Variants in SYNE1 observed in about 807,000 individuals in gnomAD.
SYNE1 encodes nesprin-1.
In SYNE1, 616 loss-of-function variants were observed where a neutral mutation model predicts 1,111.0. That is an observed-to-expected ratio of 0.55 (90% CI 0.52 to 0.59). The LOEUF (loss-of-function observed/expected upper bound fraction) is 0.59. SYNE1 is among the 20% of genes least tolerant of loss of function. SYNE1 has a pLI of 0.00. For synonymous variants in SYNE1, 3,855 were observed against 3,825.8 expected, an observed-to-expected ratio of 1.01 and a Z score of -0.28; for missense variants, 10,006 against 10,417.0, an observed-to-expected ratio of 0.96 and a Z score of 1.72.
At chr6:152,125,376 T>G in intron 145 of SYNE1, 1 of 1,542,566 alleles carries the variant, frequency 6.5e-7, no homozygotes, top group Non-Finnish European at 8.8e-7. Context: ...CCTCACAGTA[T>G]CCTGCAGATC....
chr6:152,153,262 T>C (rs2060767275), intron 133 of SYNE1, among the ~76,000 whole-genome samples: 1 of 152,124 alleles, frequency 6.6e-6, no homozygotes. Flanking sequence ...GTAAGGAAAG[T>C]TCAGCTCTGG....
At chr6:152,550,632 T>C (rs763718923) in intron 3 of SYNE1, among the ~76,000 whole-genome samples, 14 of 151,814 alleles carry the variant, frequency 9.2e-5, no homozygotes, top group Non-Finnish European at 1.3e-4. Context: ...TTTGTAACTT[T>C]GTAGTAAATA....
In SYNE1 at chr6:152,580,849, T is replaced by C. The variant is rs577313430; in HGVS notation, c.68-40828A>G. On this transcript the variant is annotated intron_variant, in intron 3 of 145. Coordinates refer to ENST00000367255, the MANE Select transcript of SYNE1 (RefSeq NM_182961.4). The stretch of plus-strand genomic sequence containing the variant: ...TCAAAATGTGTGAGAATAAAAGTGA[T>C]TGTTTTTTGCTACTGAGTTTTCTAA... Among the ~76,000 whole-genome samples, 9 of 152,310 alleles carry C rather than the reference T, an allele frequency of 5.9e-5. No individual in the cohort carries two copies. In the East Asian group the frequency reaches 1.7e-3, roughly 29 times the overall value.
intron 13 of SYNE1, among the ~76,000 whole-genome samples, chr6:152,484,281 G>T (rs1397431910): frequency 1.3e-5 from 2 of 152,056 alleles, no homozygotes; most frequent in Non-Finnish European, 2.9e-5. Context: ...AGTGATAGAA[G>T]TGTTCCAGGG....
At chr6:152,573,348 C>T (rs2099478845) in intron 3 of SYNE1, among the ~76,000 whole-genome samples, 1 of 125,500 alleles carries the variant, frequency 8.0e-6, no homozygotes, top group Non-Finnish European at 1.6e-5. Flanking sequence ...CACCCCACAA[C>T]AGGCCCTGGT....
At chr6:152,356,556 T>C (rs925807991) in intron 66 of SYNE1, among the ~76,000 whole-genome samples, 1 of 148,822 alleles carries the variant, frequency 6.7e-6, no homozygotes, top group Non-Finnish European at 1.5e-5. Flanking sequence ...TAAAAATATA[T>C]AAACTATATA....
chr6:152,609,717 G>A (rs1004828555), intron 3 of SYNE1, among the ~76,000 whole-genome samples: 1 of 152,326 alleles, frequency 6.6e-6, no homozygotes, highest in African/African-American at 2.4e-5. Flanking sequence ...ACACCTCCCA[G>A]TAGGGGCCAA....
At chr6:152,315,682 T>A (rs970403037) in intron 87 of SYNE1, 6 of 152,234 alleles carry the variant, frequency 3.9e-5, no homozygotes, top group Admixed American at 3.9e-4. Context: ...AAATTTGCAT[T>A]TCTAGACTTC....
intron 127 of SYNE1, among the ~76,000 whole-genome samples, chr6:152,201,072 G>C (rs2075306441): frequency 6.6e-6 from 1 of 152,176 alleles, no homozygotes; most frequent in South Asian, 2.1e-4. Flanking sequence ...ATTTGCAAAT[G>C]ACTGGGGAAC....
chr6:152,345,027 C>T (rs1226141969), intron 73 of SYNE1, among the ~76,000 whole-genome samples: 1 of 152,120 alleles, frequency 6.6e-6, no homozygotes, highest in Non-Finnish European at 1.5e-5. Context: ...TTTTCTCTGT[C>T]ATCTTTTAAA....
intron 145 of SYNE1, 117 bp from the exon 146 acceptor site, chr6:152,122,793 C>T (rs552244403): frequency 3.0e-5 from 45 of 1,514,318 alleles, no homozygotes; most frequent in East Asian, 1.6e-4. Flanking sequence ...CCCAGCCTGG[C>T]GATCAGCTGC....
At chr6:152,415,602 A>C (rs742784) in intron 41 of SYNE1, among the ~76,000 whole-genome samples, 36,092 of 151,842 alleles carry the variant, frequency 0.24, 4,787 homozygotes, top group East Asian at 0.36. Flanking sequence ...TAGGATCACT[A>C]CCTTTCTCTT....
Position 152,419,867 on chromosome 6 carries a change from C to T in SYNE1, c.5268-145G>A, listed in dbSNP as rs928461107. The T allele has an allele frequency of 3.6e-5, 29 of 812,270 alleles. 1 individual carries two copies. Among genetic ancestry groups the T allele is most frequent in the South Asian group, 2.2e-4 (13 of 59,468 alleles). 50.3% of individuals were successfully genotyped at this position (812,270 alleles called of 1,614,324 possible). A position where few individuals can be genotyped will look rare whatever the true frequency, so the allele number is the denominator to read the frequency against. On this transcript the variant is annotated intron_variant, in intron 39 of 145. Transcript: ENST00000367255. ...TATACCTCTTGATATTTTTTACTTC[C>T]CAAACCCTGCTTTACTCACAATCTT...
intron 129 of SYNE1, among the ~76,000 whole-genome samples, chr6:152,178,351 C>G (rs2067006917): frequency 3.3e-5 from 5 of 152,182 alleles, no homozygotes; most frequent in Admixed American, 3.3e-4. Flanking sequence ...CATTCTCTGA[C>G]ACCCAGCAAC....
chr6:152,476,136 T>A (rs1185228192), intron 14 of SYNE1, among the ~76,000 whole-genome samples: 2 of 152,154 alleles, frequency 1.3e-5, no homozygotes, highest in Admixed American at 1.3e-4. Flanking sequence ...AACATCCCTC[T>A]AGATGCCAAT....
At position 152,180,146 on chromosome 6, in the gene SYNE1, T is replaced by C. The variant is rs2067591501; in HGVS notation, c.23450A>G (p.Lys7817Arg). 3.1e-6 allele frequency: 5 copies of C among 1,614,014 alleles called. No individual in the cohort carries two copies. Among genetic ancestry groups the C allele is most frequent in the East Asian group, 2.2e-5 (1 of 44,872 alleles). Residue 7817 changes from lysine (K) to arginine (R), a missense_variant, in exon 129 of 146, where the codon AAG becomes AGG. Physicochemically the swap from Lys to Arg is conservative, Grantham distance 26. Transcript: ENST00000367255. Reference protein sequence around the residue: ...GDILIEEMIEKLKKDYQEEIA... With the variant: ...GDILIEEMIERLKKDYQEEIA... The stretch of plus-strand genomic sequence containing the variant: ...CCATGCATTCCATACCTTCTTGAGC[T>C]TCTCTATCATTTCTTCAATGAGAAT...
At chr6:152,258,305 G>A (rs2153634400) in intron 101 of SYNE1, among the ~76,000 whole-genome samples, 1 of 152,260 alleles carries the variant, frequency 6.6e-6, no homozygotes, top group East Asian at 1.9e-4. Context: ...TATGCTGAAA[G>A]GATTGGTTAT....
At chr6:152,456,274 T>A (rs964933164) in intron 22 of SYNE1, among the ~76,000 whole-genome samples, 7 of 152,112 alleles carry the variant, frequency 4.6e-5, no homozygotes, top group Non-Finnish European at 8.8e-5. Context: ...CAAAGAGTTT[T>A]TTTTTTTGAG....
chr6:152,156,375 T>TA (rs1207369111), intron 131 of SYNE1, among the ~76,000 whole-genome samples: 2 of 152,128 alleles, frequency 1.3e-5, no homozygotes, highest in African/African-American at 4.8e-5. Context: ...CTTTAATCAA[T>TA]AAAAAATGAA....
Sources: gnomAD v4.1 joint callset for allele counts (sites outside exome capture counted in the v4.1 genomes callset) on GRCh38, gnomAD v4.1.1 for gene constraint, MANE v1.5 for transcripts, NCBI Gene and HGNC (gene_info 2026-07-23, HGNC 2026-07-21) for gene names.